Variants in FAM217B observed in about 807,000 individuals in gnomAD.
The protein encoded by FAM217B is protein FAM217B.
For synonymous variants in FAM217B, 163 were observed against 173.0 expected (o/e 0.94, Z 0.45); for missense variants, 463 against 456.9 (o/e 1.01, Z -0.12).
intron 1 of FAM217B, among the ~76,000 whole-genome samples, chr20:59,934,253 A>G (rs2060838517): frequency 1.3e-5 from 2 of 152,162 alleles, no homozygotes; most frequent in South Asian, 4.1e-4. Flanking sequence ...CGGGGTGCTG[A>G]GCTGGGTACC....
At position 59,944,846 on chromosome 20, in the gene FAM217B, G is replaced by A. The variant is rs764160971; in HGVS notation, c.903G>A (p.Thr301=). The A allele has an allele frequency of 2.0e-5, 32 of 1,614,052 alleles. No individual in the cohort carries two copies. Among genetic ancestry groups the A allele is most frequent in the Admixed American group, 8.3e-5 (5 of 59,998 alleles). Residue 301 remains threonine, a synonymous_variant, in exon 4 of 4, where the codon ACG becomes ACA. Transcript: ENST00000360816. ...AGAAAAAGAAATCAAGTAAGAGTAC[G>A]AAGCTGCAGCGCTGGGATCTGTCCG... ...EEKKKKSSKS[T]KLQRWDLSGS...
chr20:59,943,866 T>C, intron 3 of FAM217B, 74 bp from the exon 4 acceptor site: 2 of 1,281,624 alleles, frequency 1.6e-6, no homozygotes, highest in Admixed American at 2.5e-5. Flanking sequence ...TAGAAGATTC[T>C]TTTTGTTTGT....
upstream of FAM217B, chr20:59,939,653 A>C: frequency 1.3e-6 from 2 of 1,523,838 alleles, no homozygotes; most frequent in Non-Finnish European, 1.8e-6. Context: ...AGCCCGGCCG[A>C]CACGCAGCGC....
Position 59,944,897 on chromosome 20 carries a change from A to G in FAM217B, c.954A>G (p.Glu318=). The G allele has an allele frequency of 6.2e-7, 1 of 1,614,186 alleles. No individual in the cohort carries two copies. The highest frequency in any genetic ancestry group is 8.5e-7 in the Non-Finnish European group (1 of 1,180,032). ...LSGSGSSSKV[E]TSGHIRVPKQ... ...GCAGTGGAAGCAGCTCTAAGGTGGAAACCAGCGGTCACATTCGAGTTCCCA... is the reference window on the plus strand; with the variant it reads ...GCAGTGGAAGCAGCTCTAAGGTGGAGACCAGCGGTCACATTCGAGTTCCCA... Residue 318 remains glutamate (E), a synonymous_variant, in exon 4 of 4, where the codon GAA becomes GAG. Transcript: ENST00000360816.
Position 59,948,046 on chromosome 20 carries a change from A to C in FAM217B, c.*2951A>C, listed in dbSNP as rs1291737642. Reference sequence around the variant, plus strand: ...ACAATCCAAGTTTCTTTAAAAAAAAAAAGAAAAAGAAAAAGAAAAAGAAAA... The same window carrying C: ...ACAATCCAAGTTTCTTTAAAAAAAACAAGAAAAAGAAAAAGAAAAAGAAAA... On this transcript the variant is annotated 3_prime_UTR_variant, in exon 4 of 4. Transcript: ENST00000360816. 1 of 156,662 alleles carries C rather than the reference A, an allele frequency of 6.4e-6. No homozygotes were observed. The highest frequency in any genetic ancestry group is 1.5e-5 in the Non-Finnish European group (1 of 67,414). The allele number at this position is 156,662 out of a possible 1,614,324, so 9.7% of individuals were successfully genotyped here. A position where few individuals can be genotyped will look rare whatever the true frequency, so the allele number is the denominator to read the frequency against.
upstream of FAM217B, among the ~76,000 whole-genome samples, chr20:59,935,999 G>A (rs1018416605): frequency 6.6e-6 from 1 of 152,140 alleles, no homozygotes; most frequent in Non-Finnish European, 1.5e-5. Context: ...TCCTCCTCAA[G>A]CAATTTTGTT....
At chr20:59,935,746 G>A (rs557402841), upstream of FAM217B, among the ~76,000 whole-genome samples, 11 of 152,358 alleles carry the variant, frequency 7.2e-5, no homozygotes, top group South Asian at 2.3e-3. Flanking sequence ...GCACTCCAAC[G>A]TTGGTGACAA....
Position 59,944,662 on chromosome 20 carries a change from G to C in FAM217B, c.719G>C (p.Gly240Ala). ...ALSKPLPHQE[G>A]ASKSGPSRKK... ...TCCAAGCCACTACCTCACCAGGAAG[G>C]GGCTTCAAAGTCAGGCCCTTCCCGA... Residue 240 changes from glycine to alanine, a missense_variant, in exon 4 of 4, where the codon GGG (glycine) becomes GCG (alanine). Coordinates refer to ENST00000360816, the MANE Select transcript of FAM217B (RefSeq NM_022106.3). The C allele has an allele frequency of 6.2e-7, 1 of 1,614,046 alleles. No homozygotes were observed. The highest frequency in any genetic ancestry group is 8.5e-7 in the Non-Finnish European group (1 of 1,180,014).
At chr20:59,943,346 G>A (rs2060915953) in intron 3 of FAM217B, among the ~76,000 whole-genome samples, 2 of 152,106 alleles carry the variant, frequency 1.3e-5, no homozygotes, top group South Asian at 4.1e-4. Context: ...TCCCAAATGT[G>A]TTTTCTGTTT....
chr20:59,941,683 A>G (rs2060906017), intron 1 of FAM217B, among the ~76,000 whole-genome samples: 1 of 152,220 alleles, frequency 6.6e-6, no homozygotes, highest in Non-Finnish European at 1.5e-5. Context: ...TGTGATAGAG[A>G]AGGCCGAAAA....
intron 1 of FAM217B, among the ~76,000 whole-genome samples, chr20:59,941,854 C>T (rs2060907416): frequency 6.6e-6 from 1 of 152,096 alleles, no homozygotes; most frequent in African/African-American, 2.4e-5. Context: ...CCTTATTTAG[C>T]CTTCCAGATT....
intron 1 of FAM217B, among the ~76,000 whole-genome samples, chr20:59,935,183 A>G (rs910914949): frequency 5.9e-5 from 9 of 152,214 alleles, no homozygotes; most frequent in East Asian, 1.9e-4. Flanking sequence ...TTTCATACCT[A>G]GTTTTCCGCC....
Position 59,948,642 on chromosome 20 carries a change from C to T in FAM217B, c.*3547C>T, listed in dbSNP as rs963814734. On this transcript the variant is annotated 3_prime_UTR_variant, in exon 4 of 4. Coordinates refer to ENST00000360816, the MANE Select transcript of FAM217B (RefSeq NM_022106.3). ...TTTTTGTGGACTTGAATTTCTCCTT[C>T]CTTGAGATCAATTAAACAGCAGAAA... The T allele has an allele frequency of 6.0e-6, 1 of 166,904 alleles. No individual in the cohort carries two copies. 10.3% of individuals were successfully genotyped at this position (166,904 alleles called of 1,614,324 possible).
chr20:59,935,585 T>C (rs2060857519), upstream of FAM217B, among the ~76,000 whole-genome samples: 1 of 152,178 alleles, frequency 6.6e-6, no homozygotes, highest in Admixed American at 6.5e-5. Context: ...CTGGGCAACA[T>C]AGCTAGGCCC....
upstream of FAM217B, chr20:59,939,769 G>A (rs1601042069): frequency 1.6e-6 from 2 of 1,222,720 alleles, no homozygotes; most frequent in Non-Finnish European, 2.0e-6. Flanking sequence ...GACGGCGCTG[G>A]CGTTGGCGGC....
In FAM217B at chr20:59,946,157, T is replaced by C. The variant is rs1280595838; in HGVS notation, c.*1062T>C. 1 of 167,108 alleles carries C rather than the reference T, an allele frequency of 6.0e-6. No individual in the cohort carries two copies. The highest frequency in any genetic ancestry group is 1.5e-5 in the Non-Finnish European group (1 of 68,126). The allele number at this position is 167,108 out of a possible 1,614,324, so 10.4% of individuals were successfully genotyped here. ...GAGAGTGGAATATGAGTAAGGTTGCTGAATGAATTCTAAACTCGCTTATCT... is the reference window on the plus strand; with the variant it reads ...GAGAGTGGAATATGAGTAAGGTTGCCGAATGAATTCTAAACTCGCTTATCT... On this transcript the variant is annotated 3_prime_UTR_variant, in exon 4 of 4. Coordinates refer to ENST00000360816, the MANE Select transcript of FAM217B (RefSeq NM_022106.3).
At chr20:59,939,443 G>A (rs756775722), upstream of FAM217B, 117 of 1,611,524 alleles carry the variant, frequency 7.3e-5, no homozygotes, top group Non-Finnish European at 9.7e-5. Context: ...CGGCGGCCTC[G>A]ACGGGCGGCG....
chr20:59,940,171 G>T, upstream of FAM217B: 1 of 387,114 alleles, frequency 2.6e-6, no homozygotes, highest in Non-Finnish European at 4.8e-6. Flanking sequence ...TCTAGTGGAA[G>T]CTTTCAGAGG....
rs774638707 is a variant in FAM217B at position 59,944,087 on chromosome 20, TAAAG to T, written c.149_152del (p.Glu50AlafsTer32). On this transcript the variant is annotated frameshift_variant, in exon 4 of 4. Coordinates refer to ENST00000360816, the MANE Select transcript of FAM217B (RefSeq NM_022106.3). LOFTEE classifies it low-confidence loss of function (END_TRUNC). The stretch of plus-strand genomic sequence containing the variant: ...TCACCCAGCCTACTGAAGAAAAACT[TAAAG>T]AAAGCATTTCCCCGGAAGCAAGACG... 51 of 1,613,906 alleles carry T rather than the reference TAAAG, an allele frequency of 3.2e-5. No individual in the cohort carries two copies. The highest frequency in any genetic ancestry group is 1.6e-4 in the Middle Eastern group (1 of 6,084).
Sources: allele counts gnomAD v4.1 joint callset (sites outside exome capture counted in the v4.1 genomes callset), GRCh38; gene constraint gnomAD v4.1.1; transcripts MANE v1.5; gene names NCBI Gene and HGNC (gene_info 2026-07-23, HGNC 2026-07-21).